The following DISP1 variants were observed in gnomAD, a reference collection of about 807,000 sequenced individuals.
The protein encoded by DISP1 is dispatched RND transporter family member 1, also known as protein dispatched homolog 1.
In DISP1, 30 loss-of-function variants were observed where a neutral mutation model predicts 37.3. The observed-to-expected ratio is 0.80, with a 90% CI of 0.60 to 1.09. The LOEUF (loss-of-function observed/expected upper bound fraction) is 1.09, where lower values mean the gene tolerates loss of function less well. Among genes scored for constraint, DISP1 ranks in the 50% least tolerant of loss-of-function variants. The pLI is 0.00. For missense variants in DISP1, 1,598 were observed against 1,879.5 expected (o/e 0.85, Z 2.77); for synonymous variants, 634 against 690.2 (o/e 0.92, Z 1.28).
intron 1 of DISP1, among the ~76,000 whole-genome samples, chr1:222,900,201 G>A (rs1474476036): frequency 6.6e-6 from 1 of 152,166 alleles, no homozygotes; most frequent in Admixed American, 6.5e-5. Flanking sequence ...TCTAGATTCA[G>A]ACTGTCTAGG....
intron 1 of DISP1, among the ~76,000 whole-genome samples, chr1:222,831,548 GT>G (rs1558281894): frequency 2.0e-5 from 3 of 152,102 alleles, no homozygotes; most frequent in African/African-American, 7.2e-5. Context: ...CTGTATACTA[GT>G]TTTTTGTCAT....
chr1:222,972,161 C>A (rs1677005169), intron 3 of DISP1, among the ~76,000 whole-genome samples: 1 of 151,884 alleles, frequency 6.6e-6, no homozygotes, highest in African/African-American at 2.4e-5. Context: ...TTATAACATG[C>A]ATAGGATATA....
chr1:222,969,327 G>C (rs1676746706), intron 3 of DISP1, among the ~76,000 whole-genome samples: 1 of 111,004 alleles, frequency 9.0e-6, no homozygotes, highest in Non-Finnish European at 1.7e-5. Flanking sequence ...CCAAGATCAT[G>C]CCATTGCACT....
intron 7 of DISP1, among the ~76,000 whole-genome samples, chr1:222,994,108 T>G (rs1678889640): frequency 1.3e-5 from 2 of 152,190 alleles, no homozygotes; most frequent in Non-Finnish European, 2.9e-5. Flanking sequence ...TTGTTGGGCA[T>G]CTATTATTAT....
intron 1 of DISP1, among the ~76,000 whole-genome samples, chr1:222,906,177 TGGCA>T (rs1356857409): frequency 6.6e-6 from 1 of 152,206 alleles, no homozygotes; most frequent in Non-Finnish European, 1.5e-5. Context: ...ATATAAATAG[TGGCA>T]TCTTTATTAG....
rs199996623 is a variant in DISP1 at position 222,943,187 on chromosome 1, G to A, written c.364G>A (p.Glu122Lys). Residue 122 changes from glutamate to lysine, a missense_variant, in exon 3 of 9, where the codon GAG becomes AAG. Glu to Lys is a moderately conservative substitution (Grantham distance 56). Coordinates refer to ENST00000675850, the MANE Select transcript of DISP1 (RefSeq NM_001377229.1). ...LASCCMQPHS[E>K]YSASLCPNHS... Reference sequence around the variant, plus strand: ...CTCGTGTTGCATGCAGCCACACTCCGAGTATTCTGCATCTCTTTGTCCAAA... The same window carrying A: ...CTCGTGTTGCATGCAGCCACACTCCAAGTATTCTGCATCTCTTTGTCCAAA... 10 of 1,610,364 alleles carry A rather than the reference G, an allele frequency of 6.2e-6. No individual in the cohort carries two copies. The Admixed American group carries it at 6.7e-5, about 11-fold the overall frequency.
In DISP1 at chr1:223,004,764, G is replaced by A. The variant is rs1402808733; in HGVS notation, c.3367G>A (p.Ala1123Thr). ...CATCATGTGTATCAGTTGGGCTTTC[G>A]CCACCTTCTTTTTCCAGTGCATGTG... ...MLIMCISWAF[A>T]TFFFQCMCRC... The change falls in exon 9 of 9, where the codon GCC becomes ACC. Residue 1123 changes from alanine (A) to threonine (T), a missense_variant. Transcript: ENST00000675850. The surrounding 1 kb of genome is among the most constrained non-coding windows in gnomAD (Gnocchi z 4.9). 5.0e-6 allele frequency: 8 copies of A among 1,613,210 alleles called. No individual in the cohort carries two copies. Among genetic ancestry groups the A allele is most frequent in the East Asian group, 4.5e-5 (2 of 44,862 alleles).
intron 1 of DISP1, among the ~76,000 whole-genome samples, chr1:222,908,838 C>T (rs1439320483): frequency 6.6e-6 from 1 of 151,438 alleles, no homozygotes; most frequent in East Asian, 1.9e-4. Context: ...AGAAGATACC[C>T]TGATTAATTT....
chr1:222,993,225 A>G (rs1261975661), intron 7 of DISP1, among the ~76,000 whole-genome samples: 1 of 152,098 alleles, frequency 6.6e-6, no homozygotes, highest in Non-Finnish European at 1.5e-5. Context: ...CAAATTCACT[A>G]CCCAAAATTT....
intron 1 of DISP1, among the ~76,000 whole-genome samples, chr1:222,859,569 T>C (rs1668758718): frequency 2.0e-5 from 3 of 152,318 alleles, no homozygotes; most frequent in Admixed American, 2.0e-4. Flanking sequence ...ATACTTTAGA[T>C]GGGATCATTC....
chr1:222,823,635 C>G (rs1484370397), intron 1 of DISP1, among the ~76,000 whole-genome samples: 1 of 151,818 alleles, frequency 6.6e-6, no homozygotes, highest in Non-Finnish European at 1.5e-5. Context: ...ATCCATGTAA[C>G]AAAACTGCAC....
chr1:222,960,845 CA>C (rs1676005124), intron 3 of DISP1, among the ~76,000 whole-genome samples: 1 of 152,068 alleles, frequency 6.6e-6, no homozygotes, highest in Admixed American at 6.6e-5. Flanking sequence ...CACCTCTACA[CA>C]AATAAACTAG....
intron 3 of DISP1, among the ~76,000 whole-genome samples, chr1:222,980,347 C>T (rs1386835591): frequency 6.6e-6 from 1 of 151,758 alleles, no homozygotes; most frequent in Non-Finnish European, 1.5e-5. Flanking sequence ...GAGAAACTTA[C>T]AAAGTTTAGT....
Position 223,005,523 on chromosome 1 carries a change from A to G in DISP1, c.4126A>G (p.Ser1376Gly). 1 of 1,614,172 alleles carries G rather than the reference A, an allele frequency of 6.2e-7. No homozygotes were observed. Among genetic ancestry groups the G allele is most frequent in the East Asian group, 2.2e-5 (1 of 44,892 alleles). The change falls in exon 9 of 9, where the codon AGT becomes GGT. Residue 1376 changes from serine to glycine, a missense_variant. Coordinates refer to ENST00000675850, the MANE Select transcript of DISP1 (RefSeq NM_001377229.1). ...AAAAATTGGCAAGACCAATGTACAC[A>G]GTCTTCAGAGGAGCATAGAAGAGCA... ...QEKIGKTNVHSLQRSIEEHLP... is the reference protein window; with the variant it reads ...QEKIGKTNVHGLQRSIEEHLP...
At position 222,936,940 on chromosome 1, in the gene DISP1, T is replaced by TTACATATTATATATTATATAATATGTAA. The variant is rs1673940441; in HGVS notation, c.-17-5865_-17-5864insCATATTATATATTATATAATATGTAATA. On this transcript the variant is annotated intron_variant, in intron 2 of 8. Coordinates refer to ENST00000675850, the MANE Select transcript of DISP1 (RefSeq NM_001377229.1). ...TATATTATATAATATGTAATATATA[T>TTACATATTATATATTATATAATATGTAA]TATATATTACATATTATATTATTTA... Among the ~76,000 whole-genome samples, 10 of 83,294 alleles carry TTACATATTATATATTATATAATATGTAA rather than the reference T, an allele frequency of 1.2e-4. 1 individual carries two copies. Among genetic ancestry groups the TTACATATTATATATTATATAATATGTAA allele is most frequent in the Admixed American group, 9.3e-4 (5 of 5,396 alleles). The allele number at this position is 83,294 out of a possible 152,430, so 54.6% of individuals were successfully genotyped here. A position where few individuals can be genotyped will look rare whatever the true frequency, so the allele number is the denominator to read the frequency against.
In DISP1 at chr1:222,949,141, C is replaced by T. The variant is rs900548165; in HGVS notation, c.509+5809C>T. Among the ~76,000 whole-genome samples the T allele has an allele frequency of 7.2e-5, 11 of 152,210 alleles. No individual in the cohort carries two copies. In the South Asian group the frequency reaches 2.3e-3, roughly 32 times the overall value. On this transcript the variant is annotated intron_variant, in intron 3 of 8. Transcript: ENST00000675850. Reference sequence around the variant, plus strand: ...AGGCGTGGTGGCTTGAGCTTGTAATCCCAGAACTTTGGGAGGCTGTGGCAG... The same window carrying T: ...AGGCGTGGTGGCTTGAGCTTGTAATTCCAGAACTTTGGGAGGCTGTGGCAG...
intron 1 of DISP1, among the ~76,000 whole-genome samples, chr1:222,848,239 G>A (rs1668030127): frequency 6.6e-6 from 1 of 151,812 alleles, no homozygotes; most frequent in Admixed American, 6.6e-5. Flanking sequence ...CCCGATAGTG[G>A]GACACTGTAG....
intron 7 of DISP1, among the ~76,000 whole-genome samples, chr1:222,993,311 A>G (rs746913045): frequency 6.6e-6 from 1 of 152,250 alleles, no homozygotes; most frequent in Admixed American, 6.5e-5. Flanking sequence ...GGACATGAAT[A>G]TAAGTATGTA....
intron 1 of DISP1, chr1:222,835,244 A>G (rs1666756300): frequency 6.6e-6 from 1 of 152,146 alleles, no homozygotes; most frequent in South Asian, 2.1e-4. Context: ...AGAGTCATTT[A>G]CTCTTTAATT....
Sources: allele counts gnomAD v4.1 joint callset (sites outside exome capture counted in the v4.1 genomes callset), GRCh38; gene constraint gnomAD v4.1.1; non-coding constraint Gnocchi (gnomAD v3.1); transcripts MANE v1.5; gene names NCBI Gene and HGNC (gene_info 2026-07-23, HGNC 2026-07-21).